CSPP1: variants seen among roughly 807,000 people sequenced by gnomAD.
The protein encoded by CSPP1 is centrosome and spindle pole-associated protein 1.
A neutral mutation model predicts 164.4 loss-of-function variants in CSPP1; 126 were observed. The observed-to-expected ratio is 0.77, with a 90% CI of 0.66 to 0.89. The LOEUF (loss-of-function observed/expected upper bound fraction) is 0.89, where lower values mean the gene tolerates loss of function less well. Ranked by LOEUF, CSPP1 falls within the 40% of genes least tolerant of loss-of-function variation. The pLI is 0.00. For missense variants in CSPP1, 1,395 were observed against 1,449.8 expected, an observed-to-expected ratio of 0.96 and a Z score of 0.61; for synonymous variants, 472 against 476.7, an observed-to-expected ratio of 0.99 and a Z score of 0.13.
chr8:67,129,867 T>C (rs1820853125), intron 15 of CSPP1, among the ~76,000 whole-genome samples: 1 of 152,216 alleles, frequency 6.6e-6, no homozygotes, highest in African/African-American at 2.4e-5. Flanking sequence ...ATTGATTGCA[T>C]ATGGCTATGA....
rs374232969 is a variant in CSPP1, at chr8:67,161,951, C to G, written c.2643+36C>G. On this transcript the variant is annotated intron_variant, in intron 22 of 30. Coordinates refer to ENST00000678616, the MANE Select transcript of CSPP1 (RefSeq NM_001382391.1). ...TTGTTTTTATTTGTTCATCCTAGCT[C>G]AGTTATTTTGGATTGGGGGATCGAA... The G allele has an allele frequency of 1.8e-5, 24 of 1,363,918 alleles. No homozygotes were observed. In the African/African-American group the frequency reaches 2.6e-4, roughly 15 times the overall value. 84.5% of individuals were successfully genotyped at this position (1,363,918 alleles called of 1,614,324 possible). A position where few individuals can be genotyped will look rare whatever the true frequency, so the allele number is the denominator to read the frequency against.
At chr8:67,144,941 G>A (rs1824215293) in intron 17 of CSPP1, among the ~76,000 whole-genome samples, 1 of 151,336 alleles carries the variant, frequency 6.6e-6, no homozygotes, top group Non-Finnish European at 1.5e-5. Flanking sequence ...GTGTGGTGGT[G>A]TGCTCCTGTG....
At chr8:67,184,556 C>T (rs911269324) in intron 28 of CSPP1, among the ~76,000 whole-genome samples, 2 of 150,566 alleles carry the variant, frequency 1.3e-5, no homozygotes, top group Non-Finnish European at 3.0e-5. Context: ...TGGTCAACAT[C>T]TCTACTAAAA....
chr8:67,106,982 CTA>C (rs1462673364), intron 9 of CSPP1, among the ~76,000 whole-genome samples: 5 of 151,254 alleles, frequency 3.3e-5, no homozygotes, highest in Admixed American at 6.6e-5. Context: ...CATGTAAAGG[CTA>C]TATTCTTTTT....
chr8:67,192,146 C>T (rs1262863685), intron 29 of CSPP1, among the ~76,000 whole-genome samples: 1 of 150,146 alleles, frequency 6.7e-6, no homozygotes, highest in East Asian at 2.0e-4. Context: ...GATCTCAGTG[C>T]ACTGCACCCT....
At position 67,074,331 on chromosome 8, in the gene CSPP1, C is replaced by T; in HGVS notation, c.79C>T (p.Pro27Ser). The T allele has an allele frequency of 6.2e-7, 1 of 1,602,156 alleles. No homozygotes were observed. Among genetic ancestry groups the T allele is most frequent in the Non-Finnish European group, 8.5e-7 (1 of 1,171,710 alleles). ...AEDKAELESD[P>S]PYMEMKGKLS... ...AGACAAAGCAGAGTTGGAAAGTGAT[C>T]CACCTTACATGGAAATGAAGGTAAA... The change falls in exon 2 of 31, where the codon CCA (proline) becomes TCA (serine). Residue 27 changes from proline (P) to serine (S), a missense_variant. Transcript: ENST00000678616.
chr8:67,177,697 C>T lies in CSPP1; in HGVS notation c.3127C>T (p.Pro1043Ser). The change falls in exon 27 of 31, where the codon CCA becomes TCA. Residue 1043 changes from proline (P) to serine (S), a missense_variant. Pro to Ser is a moderately conservative substitution (Grantham distance 74, BLOSUM62 -1). Transcript: ENST00000678616. ...EGAKVDLDAI[P>S]SAKVREQRMP... ...GACTACAGTTGACTTAGATGCCATC[C>T]CAAGTGCTAAAGTACGAGAGCAAAG... The T allele has an allele frequency of 6.2e-7, 1 of 1,611,304 alleles. No homozygotes were observed. Among genetic ancestry groups the T allele is most frequent in the Non-Finnish European group, 8.5e-7 (1 of 1,178,034 alleles).
At chr8:67,127,889 C>G (rs1820406790) in intron 15 of CSPP1, among the ~76,000 whole-genome samples, 1 of 152,156 alleles carries the variant, frequency 6.6e-6, no homozygotes, top group East Asian at 1.9e-4. Flanking sequence ...AAACCAATGA[C>G]TTTCAAATAT....
At chr8:67,170,821 C>CT (rs1464048634) in intron 24 of CSPP1, among the ~76,000 whole-genome samples, 1 of 152,040 alleles carries the variant, frequency 6.6e-6, no homozygotes, top group Non-Finnish European at 1.5e-5. Context: ...GCTTCTTGCT[C>CT]TGTCACCCAG....
chr8:67,128,431 C>G (rs556801841), intron 15 of CSPP1, among the ~76,000 whole-genome samples: 1 of 150,938 alleles, frequency 6.6e-6, no homozygotes, highest in South Asian at 2.1e-4. Context: ...TCTAGCTACT[C>G]GGGAGGCTGA....
At chr8:67,165,717 A>C (rs952212644) in intron 24 of CSPP1, among the ~76,000 whole-genome samples, 2 of 152,202 alleles carry the variant, frequency 1.3e-5, no homozygotes, top group East Asian at 3.9e-4. Context: ...TCACATCATC[A>C]CATTGTATCA....
chr8:67,169,394 G>C (rs956162567), intron 24 of CSPP1, among the ~76,000 whole-genome samples: 1 of 151,966 alleles, frequency 6.6e-6, no homozygotes, highest in Admixed American at 6.6e-5. Context: ...GTTAATGTTG[G>C]GTCCTCTGAA....
intron 21 of CSPP1, 140 bp from the exon 22 acceptor site, chr8:67,161,671 G>T (rs1160293690): frequency 1.8e-5 from 9 of 507,404 alleles, no homozygotes; most frequent in Admixed American, 3.5e-5. Flanking sequence ...GACTTTTGTA[G>T]AAAGCATTTT....
At chr8:67,195,250 A>AACT in intron 30 of CSPP1, 132 bp from the exon 31 acceptor site, 1 of 724,970 alleles carries the variant, frequency 1.4e-6, no homozygotes, top group Non-Finnish European at 2.5e-6. Flanking sequence ...AAAACAAACA[A>AACT]ACAGTAGAGT....
intron 4 of CSPP1, among the ~76,000 whole-genome samples, chr8:67,091,399 A>AT (rs1466667812): frequency 6.6e-6 from 1 of 152,336 alleles, no homozygotes; most frequent in South Asian, 2.1e-4. Context: ...TAGAAAAAAA[A>AT]CTTGTGGCAT....
chr8:67,086,048 G>T lies in CSPP1; in HGVS notation c.241G>T (p.Glu81Ter). 1 of 1,526,540 alleles carries T rather than the reference G, an allele frequency of 6.6e-7. No homozygotes were observed. The highest frequency in any genetic ancestry group is 9.1e-7 in the Non-Finnish European group (1 of 1,100,562). The allele number at this position is 1,526,540 out of a possible 1,614,324, so 94.6% of individuals were successfully genotyped here. A position where few individuals can be genotyped will look rare whatever the true frequency, so the allele number is the denominator to read the frequency against. ...AAGTTTACCACTTGGAGAAGACTATGAACGGAAGAAACATAAATTAAAAGA... is the reference window on the plus strand; with the variant it reads ...AAGTTTACCACTTGGAGAAGACTATTAACGGAAGAAACATAAATTAAAAGA... ...GLSLPLGEDYERKKHKLKEEL... is the reference protein window; with the variant it reads ...GLSLPLGEDY The change falls in exon 4 of 31, where the codon GAA becomes TAA. Residue 81 changes from glutamate to a stop codon, truncating the protein, a stop_gained. Coordinates refer to ENST00000678616, the MANE Select transcript of CSPP1 (RefSeq NM_001382391.1). LOFTEE classifies it high-confidence loss of function.
chr8:67,175,549 C>T (rs1831404450), intron 26 of CSPP1, 113 bp downstream of exon 26: 1 of 1,272,774 alleles, frequency 7.9e-7, no homozygotes, highest in Admixed American at 1.9e-5. Flanking sequence ...ACTGGCAGCC[C>T]CATGCTCACA....
intron 17 of CSPP1, among the ~76,000 whole-genome samples, chr8:67,142,490 G>A (rs768717612): frequency 6.6e-6 from 1 of 152,096 alleles, no homozygotes; most frequent in African/African-American, 2.4e-5. Context: ...TGTTACATAT[G>A]TCAGTAGCTT....
In CSPP1 at chr8:67,064,506, A is replaced by C; in HGVS notation, c.-43A>C. On this transcript the variant is annotated 5_prime_UTR_variant, in exon 1 of 31. Transcript: ENST00000678616. ...GAGCCCGCTCCCCTGAGTAAGAGTC[A>C]GCCAGCCGCGGATGGGGAGCGTGAG... 6.2e-7 allele frequency: 1 copy of C among 1,613,348 alleles called. No individual in the cohort carries two copies. Among genetic ancestry groups the C allele is most frequent in the Admixed American group, 1.7e-5 (1 of 59,986 alleles).
Sources: allele counts gnomAD v4.1 joint callset (sites outside exome capture counted in the v4.1 genomes callset), GRCh38; gene constraint gnomAD v4.1.1; transcripts MANE v1.5; gene names NCBI Gene and HGNC (gene_info 2026-07-23, HGNC 2026-07-21).